The following PGAM5 variants were observed in gnomAD, a reference collection of about 807,000 sequenced individuals.
PGAM5 encodes serine/threonine-protein phosphatase PGAM5, mitochondrial.
PGAM5 carries 25 observed loss-of-function variants against 30.6 expected under a neutral mutation model. The ratio of observed to expected loss-of-function variants is 0.82; its 90% CI spans 0.60 to 1.14. The LOEUF (loss-of-function observed/expected upper bound fraction) is 1.14, where lower values mean the gene tolerates loss of function less well. PGAM5 is among the 50% of genes most tolerant of loss of function. PGAM5 has a pLI of 0.00. For synonymous variants in PGAM5, 201 were observed against 179.1 expected, an observed-to-expected ratio of 1.12 and a Z score of -0.98; for missense variants, 384 against 408.5, an observed-to-expected ratio of 0.94 and a Z score of 0.52.
Position 132,715,079 on chromosome 12 carries a change from G to A in PGAM5, c.370+43G>A, listed in dbSNP as rs778153458. 6 of 1,499,910 alleles carry A rather than the reference G, an allele frequency of 4.0e-6. No individual in the cohort carries two copies. In the African/African-American group the frequency reaches 1.0e-4, roughly 25 times the overall value. The allele number at this position is 1,499,910 out of a possible 1,614,324, so 92.9% of individuals were successfully genotyped here. On this transcript the variant is annotated intron_variant, in intron 2 of 5. Transcript: ENST00000498926. ...ATCCTCTGTGGACCCTCGTGGTTAT[G>A]TGGCCAGGTGCATATCTGCTGGCGC...
rs1338922447 is a variant in PGAM5 at position 132,720,907 on chromosome 12, G to A, written c.*79G>A. 17 of 1,446,458 alleles carry A rather than the reference G, an allele frequency of 1.2e-5. No homozygotes were observed. The highest frequency in any genetic ancestry group is 1.5e-5 in the Non-Finnish European group (16 of 1,092,200). The allele number at this position is 1,446,458 out of a possible 1,614,324, so 89.6% of individuals were successfully genotyped here. On this transcript the variant is annotated 3_prime_UTR_variant, in exon 6 of 6. Transcript: ENST00000498926. ...ACGTTTTGTTCCCAAGGAGACCGGC[G>A]GAAAGTAGAAACCTGCAATGCTGCA...
At chr12:132,713,002 A>G (rs1202445361) in intron 1 of PGAM5, among the ~76,000 whole-genome samples, 4 of 151,984 alleles carry the variant, frequency 2.6e-5, no homozygotes, top group African/African-American at 7.2e-5. Context: ...TACTAAAAAT[A>G]CAAAAAAATT....
rs754610779 is a variant in PGAM5, at chr12:132,717,841, C to T, written c.585+43C>T. The T allele has an allele frequency of 1.9e-6, 3 of 1,582,912 alleles. No individual in the cohort carries two copies. The African/African-American group carries it at 4.1e-5, about 21-fold the overall frequency. On this transcript the variant is annotated intron_variant, in intron 4 of 5. Coordinates refer to ENST00000498926, the MANE Select transcript of PGAM5 (RefSeq NM_001170543.2). ...GGGCAGCTGTGTCACCCTCGCCTTC[C>T]CTGGGCAAAGCGGCCCTGCTGGGCT... is the stretch of plus-strand genomic sequence containing the variant.
intron 5 of PGAM5, among the ~76,000 whole-genome samples, chr12:132,719,786 C>T (rs1006347397): frequency 2.0e-5 from 3 of 152,208 alleles, no homozygotes; most frequent in East Asian, 1.9e-4. Flanking sequence ...GGTGGCCATG[C>T]GGCCCACTGA....
At position 132,721,120 on chromosome 12, in the gene PGAM5, C is replaced by T. The variant is rs898412834; in HGVS notation, c.*292C>T. 4.8e-5 allele frequency: 13 copies of T among 269,768 alleles called. No homozygotes were observed. The South Asian group carries it at 4.8e-4, about 10-fold the overall frequency. The allele number at this position is 269,768 out of a possible 1,614,324, so 16.7% of individuals were successfully genotyped here. A position where few individuals can be genotyped will look rare whatever the true frequency, so the allele number is the denominator to read the frequency against. ...GAGGCCTGACCCAGACCACCATGTT[C>T]GCACCCACAGCTGACCCGTGCTGAG... On this transcript the variant is annotated 3_prime_UTR_variant, in exon 6 of 6. Transcript: ENST00000498926.
At chr12:132,719,248 T>C (rs1320349945) in intron 5 of PGAM5, 14 of 1,122,496 alleles carry the variant, frequency 1.2e-5, no homozygotes, top group Non-Finnish European at 1.5e-5. Flanking sequence ...TGACGAGTCC[T>C]GTGGTGGGAG....
rs369766863 is a variant in PGAM5 at position 132,715,024 on chromosome 12, C to T, written c.358C>T (p.Leu120=). The change falls in exon 2 of 6, where the codon CTG becomes TTG. Residue 120 remains leucine (L), a synonymous_variant. Transcript: ENST00000498926. ...TGGCTCCCTGGAGAAGGACCGCACTCTGACCCCGCTGGGTATGTGGTGGGT... is the reference window on the plus strand; with the variant it reads ...TGGCTCCCTGGAGAAGGACCGCACTTTGACCCCGCTGGGTATGTGGTGGGT... ...VDGSLEKDRT[L]TPLGREQAEL... 63 of 1,610,794 alleles carry T rather than the reference C, an allele frequency of 3.9e-5. No homozygotes were observed. The African/African-American group carries it at 7.6e-4, about 19-fold the overall frequency.
chr12:132,714,304 A>G (rs959442027), intron 1 of PGAM5, among the ~76,000 whole-genome samples: 3 of 152,246 alleles, frequency 2.0e-5, no homozygotes, highest in Non-Finnish European at 4.4e-5. Flanking sequence ...CGTGTGAGCC[A>G]CTGCACCCGG....
chr12:132,715,858 AAC>A (rs767266200), intron 2 of PGAM5, among the ~76,000 whole-genome samples: 24 of 152,040 alleles, frequency 1.6e-4, no homozygotes, highest in Non-Finnish European at 3.4e-4. Flanking sequence ...TAGCCTAGGT[AAC>A]AGAGTGAGAC....
chr12:132,718,845 C>A (rs2043615044), intron 5 of PGAM5: 2 of 1,613,140 alleles, frequency 1.2e-6, no homozygotes, highest in Non-Finnish European at 1.7e-6. Flanking sequence ...GCGCTCCCAC[C>A]CGTGTGCCAG....
Position 132,718,056 on chromosome 12 carries a change from C to T in PGAM5, c.655C>T (p.Gln219Ter). 3.1e-6 allele frequency: 5 copies of T among 1,612,886 alleles called. No individual in the cohort carries two copies. Among genetic ancestry groups the T allele is most frequent in the Non-Finnish European group, 4.2e-6 (5 of 1,179,996 alleles). ...RNYIHRADAR[Q>*]EEDSYEIFIC... ...CTACATCCACCGCGCAGATGCCAGG[C>T]AGGAGGAGGACAGTTACGAGATCTT... The change falls in exon 5 of 6, where the codon CAG becomes TAG. Residue 219 changes from glutamine to a stop codon, truncating the protein, a stop_gained. Transcript: ENST00000498926. LOFTEE classifies it high-confidence loss of function.
chr12:132,718,143 G>T (rs1361061627), intron 5 of PGAM5, 23 bp downstream of exon 5: 1 of 1,611,898 alleles, frequency 6.2e-7, no homozygotes, highest in Non-Finnish European at 8.5e-7. Flanking sequence ...TGGGCTGGGC[G>T]TGGTCTAAAA....
In PGAM5 at chr12:132,717,688, G is replaced by A. The variant is rs1189241287; in HGVS notation, c.497-22G>A. On this transcript the variant is annotated intron_variant, in intron 3 of 5. Coordinates refer to ENST00000498926, the MANE Select transcript of PGAM5 (RefSeq NM_001170543.2). ...CGCCGGCGGGGCCGCCTCACCCAGC[G>A]CTTCGCTGTGCTTCTCTGCAGGCGT... is the stretch of plus-strand genomic sequence containing the variant. The A allele has an allele frequency of 5.8e-6, 9 of 1,564,012 alleles. No individual in the cohort carries two copies. The South Asian group carries it at 5.8e-5, about 10-fold the overall frequency.
intron 5 of PGAM5, among the ~76,000 whole-genome samples, chr12:132,720,331 A>G (rs916882228): frequency 9.2e-5 from 13 of 140,726 alleles, no homozygotes; most frequent in African/African-American, 3.4e-4. Flanking sequence ...TTTTTTAGAC[A>G]GAATCTCGCT....
chr12:132,718,685 C>G, intron 5 of PGAM5: 1 of 1,519,100 alleles, frequency 6.6e-7, no homozygotes, highest in Non-Finnish European at 9.1e-7. Flanking sequence ...TGGTTGTTTT[C>G]CCTTTGTAAT....
At position 132,710,845 on chromosome 12, in the gene PGAM5, C is replaced by T. The variant is rs1264778499; in HGVS notation, c.-32C>T. 2.7e-6 allele frequency: 3 copies of T among 1,101,518 alleles called. No individual in the cohort carries two copies. Among genetic ancestry groups the T allele is most frequent in the East Asian group, 5.4e-5 (1 of 18,524 alleles). 68.2% of individuals were successfully genotyped at this position (1,101,518 alleles called of 1,614,324 possible). On this transcript the variant is annotated 5_prime_UTR_variant, in exon 1 of 6. Transcript: ENST00000498926. ...CGCGGAGCGCCGTCGGGGCCGTGGG[C>T]GCCTGCGCGGGCCGGCGCGGGAGCA... is the stretch of plus-strand genomic sequence containing the variant.
intron 1 of PGAM5, among the ~76,000 whole-genome samples, chr12:132,713,099 G>A (rs2043537971): frequency 6.6e-6 from 1 of 152,166 alleles, no homozygotes; most frequent in Non-Finnish European, 1.5e-5. Flanking sequence ...GGTGGAGGCT[G>A]CAGTGAGCCC....
rs1380599030 is a variant in PGAM5 at position 132,722,361 on chromosome 12, C to T, written c.*1533C>T. The T allele has an allele frequency of 6.6e-6, 1 of 151,642 alleles. No individual in the cohort carries two copies. The highest frequency in any genetic ancestry group is 1.5e-5 in the Non-Finnish European group (1 of 67,992). 9.4% of individuals were successfully genotyped at this position (151,642 alleles called of 1,614,324 possible). On this transcript the variant is annotated 3_prime_UTR_variant, in exon 6 of 6. Transcript: ENST00000498926. ...TGCCTCCTGGGTTCAAACGATTCTCCTGCCTCAGCCTCCCAAGTAGCTGGG... is the reference window on the plus strand; with the variant it reads ...TGCCTCCTGGGTTCAAACGATTCTCTTGCCTCAGCCTCCCAAGTAGCTGGG...
intron 2 of PGAM5, among the ~76,000 whole-genome samples, chr12:132,716,476 G>A (rs538719336): frequency 2.0e-5 from 3 of 151,490 alleles, no homozygotes; most frequent in African/African-American, 7.3e-5. Context: ...TAATCCGCCC[G>A]CCTTGGCCTC....
Sources: allele counts gnomAD v4.1 joint callset (sites outside exome capture counted in the v4.1 genomes callset), GRCh38; gene constraint gnomAD v4.1.1; transcripts MANE v1.5; gene names NCBI Gene and HGNC (gene_info 2026-07-23, HGNC 2026-07-21).